The following TCF4 variants were observed in gnomAD, a reference collection of about 807,000 sequenced individuals.
TCF4 encodes the protein transcription factor 4, also known as SL3-3 enhancer factor 2.
Under a neutral mutation model 82.1 loss-of-function variants are expected in TCF4, and 3 were observed. That is an observed-to-expected ratio of 0.04 (90% confidence interval 0.02 to 0.09). The LOEUF is 0.09. Among genes scored for constraint, TCF4 ranks in the 10% least tolerant of loss-of-function variants. The pLI is 1.00. For missense variants in TCF4, 518 were observed against 852.7 expected, an observed-to-expected ratio of 0.61 and a Z score of 4.89; for synonymous variants, 276 against 309.6, an observed-to-expected ratio of 0.89 and a Z score of 1.14.
intron 6 of TCF4, among the ~76,000 whole-genome samples, chr18:55,363,563 G>C (rs1225101096): frequency 6.6e-6 from 1 of 152,144 alleles, no homozygotes; most frequent in African/African-American, 2.4e-5. Flanking sequence ...CAGCACTTTG[G>C]GAGGCCGAGG....
At chr18:55,480,552 A>G (rs2096404454) in intron 3 of TCF4, among the ~76,000 whole-genome samples, 1 of 152,210 alleles carries the variant, frequency 6.6e-6, no homozygotes, top group Non-Finnish European at 1.5e-5. Context: ...GTGATTTAGG[A>G]CAGAGTGATA....
chr18:55,519,922 C>T (rs1282406752), intron 3 of TCF4, among the ~76,000 whole-genome samples: 1 of 152,142 alleles, frequency 6.6e-6, no homozygotes, highest in African/African-American at 2.4e-5. Context: ...AAATGAAGCA[C>T]TTCACTTCTT....
At chr18:55,541,137 C>T (rs1198510487) in intron 3 of TCF4, among the ~76,000 whole-genome samples, 1 of 151,932 alleles carries the variant, frequency 6.6e-6, no homozygotes, top group African/African-American at 2.4e-5. Context: ...TAAAGTGATA[C>T]ATTCCTGTTA....
chr18:55,416,824 G>A (rs897653855), intron 5 of TCF4, among the ~76,000 whole-genome samples: 17 of 152,180 alleles, frequency 1.1e-4, no homozygotes, highest in African/African-American at 3.9e-4. Context: ...CCAGTGACGG[G>A]GATAATGCCT....
At chr18:55,602,992 T>C (rs962658091) in intron 2 of TCF4, among the ~76,000 whole-genome samples, 6 of 152,140 alleles carry the variant, frequency 3.9e-5, no homozygotes, top group African/African-American at 1.4e-4. Context: ...AGGTGATGCT[T>C]CCCCATTCAA....
chr18:55,408,995 G>A (rs1442314649), intron 5 of TCF4, among the ~76,000 whole-genome samples: 1 of 152,126 alleles, frequency 6.6e-6, no homozygotes, highest in African/African-American at 2.4e-5. Flanking sequence ...CTTTATAGCT[G>A]CACAAATGAT....
chr18:55,390,286 T>TAAAAAAAAAAAAAAAAA (rs56965997), intron 6 of TCF4, among the ~76,000 whole-genome samples: 1 of 82,230 alleles, frequency 1.2e-5, no homozygotes, highest in Non-Finnish European at 2.3e-5. Flanking sequence ...CCCTGACTCT[T>TAAAAAAAAAAAAAAAAA]AAAAAAAAAA....
At chr18:55,519,439 A>C (rs1159784176) in intron 3 of TCF4, among the ~76,000 whole-genome samples, 1 of 151,794 alleles carries the variant, frequency 6.6e-6, no homozygotes. Context: ...GTCTCAAAAA[A>C]AGAAAAAAAA....
intron 8 of TCF4, among the ~76,000 whole-genome samples, chr18:55,294,458 C>G (rs895011201): frequency 6.6e-6 from 1 of 152,098 alleles, no homozygotes; most frequent in Non-Finnish European, 1.5e-5. Context: ...AGAACCAGTC[C>G]TTTCCTTCAC....
intron 6 of TCF4, among the ~76,000 whole-genome samples, chr18:55,362,058 T>C (rs1603350435): frequency 6.6e-6 from 1 of 152,304 alleles, no homozygotes; most frequent in African/African-American, 2.4e-5. Flanking sequence ...AATCAACTCA[T>C]GCTTTTCCTG....
chr18:55,289,451 T>A (rs2064491179), intron 8 of TCF4, among the ~76,000 whole-genome samples: 1 of 152,242 alleles, frequency 6.6e-6, no homozygotes, highest in Non-Finnish European at 1.5e-5. Context: ...CTTCTGGTTA[T>A]CTTAAATCTT....
chr18:55,351,267 C>T (rs542490899), intron 6 of TCF4: 8 of 402,418 alleles, frequency 2.0e-5, no homozygotes, highest in Admixed American at 1.6e-4. Context: ...AGATGACTCA[C>T]GTTTTCATTT....
intron 15 of TCF4, among the ~76,000 whole-genome samples, chr18:55,239,396 G>C (rs1207516746): frequency 6.6e-6 from 1 of 152,124 alleles, no homozygotes; most frequent in African/African-American, 2.4e-5. Flanking sequence ...ATCTAAAACA[G>C]ATTTTGAACT....
intron 11 of TCF4, chr18:55,264,686 T>C (rs1202263496): frequency 2.6e-5 from 4 of 152,254 alleles, no homozygotes; most frequent in East Asian, 1.9e-4. Flanking sequence ...TGATTACTCT[T>C]TGAGGCCCAA....
chr18:55,577,321 T>C (rs1272524487), intron 3 of TCF4, among the ~76,000 whole-genome samples: 2 of 150,216 alleles, frequency 1.3e-5, no homozygotes, highest in African/African-American at 2.4e-5. Flanking sequence ...TTAGACTAGA[T>C]AGATGAAAAG....
intron 3 of TCF4, among the ~76,000 whole-genome samples, chr18:55,540,479 A>G (rs1282199190): frequency 6.6e-6 from 1 of 152,130 alleles, no homozygotes; most frequent in African/African-American, 2.4e-5. Flanking sequence ...ACAGAGAAAT[A>G]TAATTAATGT....
chr18:55,376,015 C>G (rs1383300700), intron 6 of TCF4, among the ~76,000 whole-genome samples: 2 of 142,922 alleles, frequency 1.4e-5, no homozygotes, highest in Non-Finnish European at 3.0e-5. Context: ...ATATTTTCTT[C>G]TCCTTTTTTT....
chr18:55,253,923 G>A (rs1340657268), intron 15 of TCF4, among the ~76,000 whole-genome samples: 1 of 152,152 alleles, frequency 6.6e-6, no homozygotes, highest in Non-Finnish European at 1.5e-5. Context: ...AGGGAAACAT[G>A]TGTCTGCACA....
intron 3 of TCF4, among the ~76,000 whole-genome samples, chr18:55,517,935 A>T (rs559486574): frequency 1.6e-4 from 25 of 152,268 alleles, no homozygotes; most frequent in African/African-American, 6.0e-4. Flanking sequence ...CAAGAAATTG[A>T]AAGTAACAAA....
Sources: gnomAD v4.1 joint callset for allele counts (sites outside exome capture counted in the v4.1 genomes callset) on GRCh38, gnomAD v4.1.1 for gene constraint, MANE v1.5 for transcripts, NCBI Gene and HGNC (gene_info 2026-07-23, HGNC 2026-07-21) for gene names.